Variants in VPS53 observed in about 807,000 individuals in gnomAD.
VPS53 encodes VPS53 subunit of GARP complex, also known as vacuolar protein sorting-associated protein 53 homolog.
VPS53 carries 70 observed loss-of-function variants against 107.0 expected under a neutral mutation model. That is an observed-to-expected ratio of 0.65 (90% CI 0.54 to 0.80). The LOEUF (loss-of-function observed/expected upper bound fraction) is 0.80. VPS53 is among the 30% of genes least tolerant of loss of function. The probability of loss-of-function intolerance (pLI) is 0.00; values close to 1 mark genes in which losing one functional copy is unlikely to be tolerated. For synonymous variants in VPS53, 409 were observed against 393.3 expected (o/e 1.04, Z -0.47); for missense variants, 917 against 1,049.4 (o/e 0.87, Z 1.74).
At chr17:572,158 C>T (rs1345169099) in intron 13 of VPS53, among the ~76,000 whole-genome samples, 5 of 151,618 alleles carry the variant, frequency 3.3e-5, no homozygotes, top group Non-Finnish European at 5.9e-5. Context: ...GCCCGGCCGC[C>T]CATCGTCTGA....
intron 2 of VPS53, 65 bp downstream of exon 2, chr17:710,468 C>T (rs367554781): frequency 8.3e-5 from 106 of 1,282,960 alleles, no homozygotes; most frequent in East Asian, 7.6e-4. Context: ...GTGTAACACA[C>T]GAAGCATAAC....
intron 12 of VPS53, among the ~76,000 whole-genome samples, chr17:598,716 T>C (rs1968134130): frequency 9.4e-6 from 1 of 106,654 alleles, no homozygotes; most frequent in Non-Finnish European, 2.1e-5. Context: ...GAGGAGACCC[T>C]CTGCCCGGCA....
At chr17:531,287 C>T (rs917112885) in intron 19 of VPS53, among the ~76,000 whole-genome samples, 1 of 152,220 alleles carries the variant, frequency 6.6e-6, no homozygotes, top group Non-Finnish European at 1.5e-5. Context: ...CCACACTCCC[C>T]TACTGCCCAC....
At chr17:678,652 T>TA (rs1201608490) in intron 4 of VPS53, among the ~76,000 whole-genome samples, 68 of 149,264 alleles carry the variant, frequency 4.6e-4, no homozygotes, top group East Asian at 2.9e-3. Flanking sequence ...ATATATATAT[T>TA]TTTTTGAGAC....
chr17:660,459 G>A (rs1306308071), intron 5 of VPS53, among the ~76,000 whole-genome samples: 1 of 152,128 alleles, frequency 6.6e-6, no homozygotes, highest in Non-Finnish European at 1.5e-5. Flanking sequence ...TCATAACTTG[G>A]GAGTAAACTG....
intron 13 of VPS53, among the ~76,000 whole-genome samples, chr17:566,630 G>A (rs1394260884): frequency 1.3e-5 from 2 of 152,110 alleles, no homozygotes; most frequent in African/African-American, 2.4e-5. Context: ...GGAACAGAAG[G>A]CAAAAGATTC....
chr17:544,035 GAGGGAGGA>G (rs1567611827), intron 17 of VPS53, among the ~76,000 whole-genome samples: 15 of 101,202 alleles, frequency 1.5e-4, no homozygotes, highest in African/African-American at 1.1e-3. Context: ...GGGAGGGAGG[GAGGGAGGA>G]AGGGAGGAAG....
At chr17:651,770 T>C (rs1421991669) in intron 7 of VPS53, among the ~76,000 whole-genome samples, 1 of 152,202 alleles carries the variant, frequency 6.6e-6, no homozygotes, top group Non-Finnish European at 1.5e-5. Context: ...TTGTCAATTG[T>C]GACGGTCTCT....
chr17:695,492 C>T (rs1972926652), intron 4 of VPS53, among the ~76,000 whole-genome samples: 2 of 151,988 alleles, frequency 1.3e-5, no homozygotes, highest in Admixed American at 1.3e-4. Flanking sequence ...AGACAGAACA[C>T]AAGAGGAGGC....
intron 8 of VPS53, among the ~76,000 whole-genome samples, chr17:630,503 A>G (rs974794239): frequency 6.6e-6 from 1 of 152,136 alleles, no homozygotes; most frequent in Non-Finnish European, 1.5e-5. Context: ...ATATCAGATG[A>G]CTAAGGAATA....
intron 5 of VPS53, among the ~76,000 whole-genome samples, chr17:658,802 G>A (rs1971321150): frequency 6.6e-6 from 1 of 151,892 alleles, no homozygotes; most frequent in South Asian, 2.1e-4. Flanking sequence ...TGAGTTCGTG[G>A]ATAGATACAT....
In VPS53 at chr17:657,339, T is replaced by C. The variant is rs539166514; in HGVS notation, c.373-1386A>G. On this transcript the variant is annotated intron_variant, in intron 5 of 21. Coordinates refer to ENST00000437048, the MANE Select transcript of VPS53 (RefSeq NM_001128159.3). Reference sequence around the variant, plus strand: ...CATGAACCCAGCAGGGTATGTTATATCAGTTCGGACCGTGCCATCGATCTT... The same window carrying C: ...CATGAACCCAGCAGGGTATGTTATACCAGTTCGGACCGTGCCATCGATCTT... 1,275 of 757,016 alleles carry C rather than the reference T, an allele frequency of 1.7e-3. 2 individuals carry two copies. Among genetic ancestry groups the C allele is most frequent in the Non-Finnish European group, 2.3e-3 (957 of 419,712 alleles). The allele number at this position is 757,016 out of a possible 1,614,324, so 46.9% of individuals were successfully genotyped here.
intron 4 of VPS53, among the ~76,000 whole-genome samples, chr17:694,858 C>G (rs570763793): frequency 1.3e-5 from 2 of 152,228 alleles, no homozygotes; most frequent in Admixed American, 1.3e-4. Context: ...GCTTGTACTA[C>G]CACACCCAGC....
At chr17:564,561 A>AG (rs1913314421) in intron 13 of VPS53, among the ~76,000 whole-genome samples, 1 of 149,498 alleles carries the variant, frequency 6.7e-6, no homozygotes, top group South Asian at 2.1e-4. Context: ...AAAAAAAAAA[A>AG]TTAGCTGGGG....
At chr17:625,054 T>G (rs1597396971) in intron 10 of VPS53, among the ~76,000 whole-genome samples, 1 of 148,940 alleles carries the variant, frequency 6.7e-6, no homozygotes, top group South Asian at 2.2e-4. Context: ...TGCAATGGCA[T>G]GATAATGGCC....
intron 4 of VPS53, among the ~76,000 whole-genome samples, chr17:691,563 A>C (rs915769459): frequency 1.3e-5 from 2 of 152,236 alleles, no homozygotes; most frequent in Admixed American, 6.5e-5. Flanking sequence ...AGCCACCTGT[A>C]GTTGACTGTG....
At chr17:576,180 C>CAG (rs1242616753) in intron 13 of VPS53, among the ~76,000 whole-genome samples, 1 of 152,014 alleles carries the variant, frequency 6.6e-6, no homozygotes, top group African/African-American at 2.4e-5. Flanking sequence ...AATGTGTTCA[C>CAG]AGAGAACCTC....
At chr17:578,188 C>A (rs979810421) in intron 13 of VPS53, among the ~76,000 whole-genome samples, 1 of 152,116 alleles carries the variant, frequency 6.6e-6, no homozygotes, top group African/African-American at 2.4e-5. Flanking sequence ...CAAAGAATCT[C>A]CCTCAGAATC....
intron 4 of VPS53, among the ~76,000 whole-genome samples, chr17:665,233 T>A (rs1971631890): frequency 6.6e-6 from 1 of 152,168 alleles, no homozygotes; most frequent in Admixed American, 6.5e-5. Flanking sequence ...GCCTTCCAAC[T>A]CTGCCATGGG....
Sources: allele counts gnomAD v4.1 joint callset (sites outside exome capture counted in the v4.1 genomes callset), GRCh38; gene constraint gnomAD v4.1.1; transcripts MANE v1.5; gene names NCBI Gene and HGNC (gene_info 2026-07-23, HGNC 2026-07-21).